Variants in ATP2B3 observed in about 807,000 individuals in gnomAD.
The protein encoded by ATP2B3 is plasma membrane calcium-transporting ATPase 3.
In ATP2B3, 12 loss-of-function variants were observed where a neutral mutation model predicts 70.8. That is an observed-to-expected ratio of 0.17 (90% CI 0.11 to 0.27). ATP2B3 has a LOEUF of 0.27. Ranked by LOEUF, ATP2B3 falls within the 10% of genes least tolerant of loss-of-function variation. The pLI, the probability that ATP2B3 is intolerant of heterozygous loss-of-function variation, is 1.00. For missense variants in ATP2B3, 858 were observed against 1,118.5 expected, an observed-to-expected ratio of 0.77 and a Z score of 3.32; for synonymous variants, 460 against 497.8, an observed-to-expected ratio of 0.92 and a Z score of 1.01.
intron 3 of ATP2B3, among the ~76,000 whole-genome samples, chrX:153,536,670 C>T (rs1422199358): frequency 8.9e-6 from 1 of 112,217 alleles, no homozygotes; most frequent in African/African-American, 3.2e-5. Context: ...CTCTATAGAG[C>T]GAGACTGGGG....
intron 16 of ATP2B3, 23 bp from the exon 17 acceptor site, chrX:153,558,089 G>A (rs1557014606): frequency 3.3e-6 from 4 of 1,197,752 alleles, no homozygotes; most frequent in Non-Finnish European, 4.5e-6. Context: ...CACTCTGTGT[G>A]AGTGTGTGTG....
intron 2 of ATP2B3, among the ~76,000 whole-genome samples, chrX:153,534,938 G>A (rs1266850286): frequency 8.9e-6 from 1 of 112,886 alleles, no homozygotes; most frequent in African/African-American, 3.2e-5. Context: ...TGGGCCACTC[G>A]TTTCCAACGG....
chrX:153,569,468 G>A (rs1260098479), intron 21 of ATP2B3: 53 of 740,877 alleles, frequency 7.2e-5, no homozygotes, highest in Non-Finnish European at 1.1e-4. Flanking sequence ...AGCTCCCAGT[G>A]AGCGGGGTGA....
chrX:153,568,154 C>T (rs1452255417), intron 21 of ATP2B3, among the ~76,000 whole-genome samples: 13 of 111,991 alleles, frequency 1.2e-4, no homozygotes, highest in Non-Finnish European at 2.1e-4. Flanking sequence ...TATCAACGCA[C>T]CAGATGGACA....
At position 153,565,118 on chromosome X, in the gene ATP2B3, G is replaced by C. The variant is rs1349003701; in HGVS notation, c.3342+15G>C. 8.6e-7 allele frequency: 1 copy of C among 1,161,311 alleles called. No homozygotes were observed. The highest frequency in any genetic ancestry group is 1.1e-6 in the Non-Finnish European group (1 of 870,555). On this transcript the variant is annotated intron_variant, in intron 21 of 21. Coordinates refer to ENST00000263519, the MANE Select transcript of ATP2B3 (RefSeq NM_001001344.3). The stretch of plus-strand genomic sequence containing the variant: ...TTCAGACGCAGGTAAGCCCCGACTC[G>C]CTCTCGCCCTGGCACTTCCACCCCA...
intron 2 of ATP2B3, among the ~76,000 whole-genome samples, chrX:153,531,483 C>T (rs1394815856): frequency 2.6e-5 from 3 of 113,266 alleles, no homozygotes; most frequent in African/African-American, 3.2e-5. Flanking sequence ...TTCTGAAAGG[C>T]GGGCCCTTGC....
intron 19 of ATP2B3, 129 bp downstream of exon 19, chrX:153,561,016 C>T: frequency 2.7e-6 from 2 of 732,048 alleles, no homozygotes; most frequent in Non-Finnish European, 4.0e-6. Context: ...CCCACCCCAC[C>T]TGGCTTTCCT....
rs1569536326 is a variant in ATP2B3 at position 153,580,105 on chromosome X, C to T, written c.3470C>T (p.Pro1157Leu). The change falls in exon 22 of 22, where the codon CCG becomes CTG. Residue 1157 changes from proline (P) to leucine (L), a missense_variant. This residue lies in a region of ATP2B3 where 265 missense variants were observed against 305.3 expected (regional missense o/e 0.87). Transcript: ENST00000263519. ...ATCAATGACTACACCCACAACATCC[C>T]GCTCATTGACGACACGGACGTGGAC... ...FLINDYTHNI[P>L]LIDDTDVDEN... is the part of the protein sequence containing the mutation. 4.1e-6 allele frequency: 5 copies of T among 1,212,159 alleles called. No homozygotes were observed. Among genetic ancestry groups the T allele is most frequent in the Non-Finnish European group, 5.6e-6 (5 of 895,588 alleles).
intron 3 of ATP2B3, among the ~76,000 whole-genome samples, chrX:153,537,413 C>T (rs1422874060): frequency 2.6e-5 from 3 of 113,688 alleles, no homozygotes; most frequent in African/African-American, 6.4e-5. Flanking sequence ...AGCCGTGAGG[C>T]TCCTTGGCAC....
At position 153,556,383 on chromosome X, in the gene ATP2B3, G is replaced by T. The variant is rs1557013622; in HGVS notation, c.2291G>T (p.Arg764Leu). The T allele has an allele frequency of 1.7e-6, 2 of 1,205,872 alleles. No individual in the cohort carries two copies. Among genetic ancestry groups the T allele is most frequent in the Non-Finnish European group, 1.1e-6 (1 of 893,286 alleles). ...KVWPKLRVLARSSPTDKHTLV... is the reference protein window; with the variant it reads ...KVWPKLRVLALSSPTDKHTLV... ...TGGCCCAAGCTGAGGGTGCTGGCCC[G>T]GTCGTCTCCCACCGACAAGCACACA... Residue 764 changes from arginine to leucine, a missense_variant, in exon 15 of 22, where the codon CGG (arginine) becomes CTG (leucine). Arg to Leu is a moderately radical substitution (Grantham distance 102, BLOSUM62 -2). Transcript: ENST00000263519.
chrX:153,579,477 C>G (rs1012197678), intron 21 of ATP2B3, among the ~76,000 whole-genome samples: 1 of 112,266 alleles, frequency 8.9e-6, no homozygotes, highest in East Asian at 2.8e-4. Flanking sequence ...CTGGTAAGAT[C>G]GAGAAGACAT....
intron 17 of ATP2B3, among the ~76,000 whole-genome samples, chrX:153,558,611 C>T (rs1453110521): frequency 2.7e-5 from 3 of 112,142 alleles, no homozygotes; most frequent in Admixed American, 9.4e-5. Flanking sequence ...CCGGCAACCA[C>T]TCACAGGCTT....
At chrX:153,549,839 C>T in intron 11 of ATP2B3, 100 bp downstream of exon 11, 1 of 1,081,460 alleles carries the variant, frequency 9.2e-7, no homozygotes, top group East Asian at 3.2e-5. Flanking sequence ...CTCATTAGGC[C>T]CCCCCTTGAG....
intron 8 of ATP2B3, 35 bp downstream of exon 8, chrX:153,546,164 G>A (rs782174071): frequency 4.1e-6 from 5 of 1,207,803 alleles, no homozygotes; most frequent in Non-Finnish European, 4.5e-6. Flanking sequence ...CAACAAGCTT[G>A]GAGCCCTGGG....
Position 153,549,541 on chromosome X carries a change from C to T in ATP2B3, c.1383C>T (p.Cys461=), listed in dbSNP as rs140403057. The T allele has an allele frequency of 4.0e-5, 49 of 1,210,904 alleles. No homozygotes were observed. Among genetic ancestry groups the T allele is most frequent in the African/African-American group, 2.1e-4 (12 of 57,473 alleles). ...DNNLVRHLDA[C]ETMGNATAIC... is the part of the protein sequence containing the mutation. ...ACCTGGTGCGCCACCTGGATGCCTG[C>T]GAGACCATGGGCAACGCCACAGCCA... Residue 461 remains cysteine, a synonymous_variant, in exon 11 of 22, where the codon TGC becomes TGT. Transcript: ENST00000263519.
At chrX:153,553,668 G>A (rs1231247849) in intron 13 of ATP2B3, among the ~76,000 whole-genome samples, 3 of 112,512 alleles carry the variant, frequency 2.7e-5, no homozygotes, top group African/African-American at 9.7e-5. Flanking sequence ...CGGTCAGGAC[G>A]TCCTGTGGCG....
At chrX:153,542,051 G>GGTGAC in intron 5 of ATP2B3, 125 bp downstream of exon 5, 1 of 683,344 alleles carries the variant, frequency 1.5e-6, no homozygotes, top group Non-Finnish European at 1.9e-6. Context: ...ACCTGCCTTA[G>GGTGAC]GAGGCGGGAG....
At chrX:153,553,810 A>T (rs1467558399) in intron 13 of ATP2B3, among the ~76,000 whole-genome samples, 2 of 113,248 alleles carry the variant, frequency 1.8e-5, no homozygotes, top group African/African-American at 6.4e-5. Context: ...GACACTGGGA[A>T]GTCACTTTGT....
At chrX:153,542,182 G>C (rs1368422089) in intron 5 of ATP2B3, 141 bp from the exon 6 acceptor site, 9 of 979,793 alleles carry the variant, frequency 9.2e-6, no homozygotes, top group African/African-American at 5.7e-5. Flanking sequence ...CCCTACAAAG[G>C]ATGCAAATGT....
Sources: gnomAD v4.1 joint callset for allele counts (sites outside exome capture counted in the v4.1 genomes callset) on GRCh38, gnomAD v4.1.1 for gene constraint, gnomAD v4.1.1 regional missense constraint, MANE v1.5 for transcripts, NCBI Gene and HGNC (gene_info 2026-07-23, HGNC 2026-07-21) for gene names.